CDH12: variants seen among roughly 807,000 people sequenced by gnomAD.
CDH12 encodes cadherin 12.
Under a neutral mutation model 74.1 loss-of-function variants are expected in CDH12, and 41 were observed. That is an observed-to-expected ratio of 0.55 (90% confidence interval 0.43 to 0.72). The LOEUF (loss-of-function observed/expected upper bound fraction) is 0.72, where lower values mean the gene tolerates loss of function less well. Among genes scored for constraint, CDH12 ranks in the 30% least tolerant of loss-of-function variants. The pLI is 0.00. For synonymous variants in CDH12, 399 were observed against 355.0 expected (o/e 1.12, Z -1.39); for missense variants, 945 against 977.2 (o/e 0.97, Z 0.44).
rs1757008156 is a variant in CDH12, at chr5:21,975,172, T to G, written c.445A>C (p.Lys149Gln). The G allele has an allele frequency of 6.3e-7, 1 of 1,596,742 alleles. No individual in the cohort carries two copies. The highest frequency in any genetic ancestry group is 1.7e-5 in the Admixed American group (1 of 59,950). Residue 149 changes from lysine to glutamine, a missense_variant, in exon 6 of 15, where the codon AAA (lysine) becomes CAA (glutamine). Transcript: ENST00000382254. ...TCATTATCATTAATATCCTGCACTT[T>G]GATGATGAATTCTGATTCAGGCTCC... ...PLEPESEFII[K>Q]VQDINDNEPK... is the part of the protein sequence containing the mutation.
chr5:22,434,934 C>G (rs1392227124), intron 2 of CDH12, among the ~76,000 whole-genome samples: 1 of 152,154 alleles, frequency 6.6e-6, no homozygotes, highest in Non-Finnish European at 1.5e-5. Context: ...ACTCAACTTA[C>G]TACATCTTGC....
intron 1 of CDH12, among the ~76,000 whole-genome samples, chr5:22,733,746 G>A (rs746666659): frequency 1.3e-5 from 2 of 151,902 alleles, no homozygotes; most frequent in Admixed American, 6.6e-5. Flanking sequence ...TTAAAGTGAG[G>A]GGGGTTCCTT....
intron 5 of CDH12, among the ~76,000 whole-genome samples, chr5:22,018,327 A>C (rs2150158675): frequency 6.6e-6 from 1 of 152,184 alleles, no homozygotes; most frequent in Non-Finnish European, 1.5e-5. Flanking sequence ...GTATTGTATA[A>C]TTTCAAAACA....
At chr5:22,035,744 A>T (rs1018122276) in intron 5 of CDH12, among the ~76,000 whole-genome samples, 1 of 142,330 alleles carries the variant, frequency 7.0e-6, no homozygotes, top group African/African-American at 2.6e-5. Flanking sequence ...ACACACACAC[A>T]CACACACTCC....
rs186431253 is a variant in CDH12, at chr5:21,840,783, C to A, written c.814+1378G>T. Among the ~76,000 whole-genome samples the A allele has an allele frequency of 3.9e-5, 6 of 152,202 alleles. No individual in the cohort carries two copies. The East Asian group carries it at 1.2e-3, about 29-fold the overall frequency. The stretch of plus-strand genomic sequence containing the variant: ...AGGATTCCCTATTTAATAAATGGTG[C>A]TGGGAAAACTGGCTAGCCATATATA... On this transcript the variant is annotated intron_variant, in intron 8 of 14. Transcript: ENST00000382254.
At chr5:22,098,551 C>T (rs187767797) in intron 4 of CDH12, among the ~76,000 whole-genome samples, 18 of 152,308 alleles carry the variant, frequency 1.2e-4, no homozygotes, top group Non-Finnish European at 1.9e-4. Context: ...TCAACTCACT[C>T]GCTACAGTTC....
In CDH12 at chr5:21,989,131, A is replaced by T. The variant is rs542502881; in HGVS notation, c.232-13746T>A. On this transcript the variant is annotated intron_variant, in intron 5 of 14. Coordinates refer to ENST00000382254, the MANE Select transcript of CDH12 (RefSeq NM_004061.5). ...AAGAAGGCATAATAGAGAGAAAGGA[A>T]GGAAAAAAGAAAAGACAAAAGTGTA... is the stretch of plus-strand genomic sequence containing the variant. 2.0e-5 allele frequency among the ~76,000 whole-genome samples: 3 copies of T among 152,338 alleles called. No homozygotes were observed. In the East Asian group the frequency reaches 5.8e-4, roughly 29 times the overall value.
chr5:22,667,302 G>A (rs941668367), intron 1 of CDH12, among the ~76,000 whole-genome samples: 5 of 152,048 alleles, frequency 3.3e-5, no homozygotes, highest in Non-Finnish European at 5.9e-5. Context: ...TGGTTGTCCC[G>A]TCATTTCCTC....
chr5:22,701,428 ATT>A (rs1405764306), intron 1 of CDH12, among the ~76,000 whole-genome samples: 3 of 151,140 alleles, frequency 2.0e-5, no homozygotes, highest in African/African-American at 7.4e-5. Context: ...AAAAAAAAAG[ATT>A]GTCACTTCTC....
chr5:22,498,834 A>C (rs1471974907), intron 2 of CDH12, among the ~76,000 whole-genome samples: 1 of 150,596 alleles, frequency 6.6e-6, no homozygotes, highest in Non-Finnish European at 1.5e-5. Flanking sequence ...TACTAAAAAT[A>C]ATTTATATAA....
rs141500029 is a variant in CDH12 at position 21,933,982 on chromosome 5, T to A, written c.526+41109A>T. On this transcript the variant is annotated intron_variant, in intron 6 of 14. Coordinates refer to ENST00000382254, the MANE Select transcript of CDH12 (RefSeq NM_004061.5). ...ATGGATTCTGGCCACAGCCATAAGATTTATTTGACAAAAGGATTGCTTGAA... is the reference window on the plus strand; with the variant it reads ...ATGGATTCTGGCCACAGCCATAAGAATTATTTGACAAAAGGATTGCTTGAA... Among the ~76,000 whole-genome samples, 735 of 152,352 alleles carry A rather than the reference T, an allele frequency of 4.8e-3. 13 individuals are homozygous for A. Among genetic ancestry groups the A allele is most frequent in the African/African-American group, 0.017 (691 of 41,588 alleles).
intron 6 of CDH12, among the ~76,000 whole-genome samples, chr5:21,905,681 G>A (rs548469171): frequency 5.3e-5 from 8 of 152,122 alleles, no homozygotes; most frequent in African/African-American, 1.4e-4. Context: ...CACAGATATC[G>A]CAATTGTCTC....
intron 1 of CDH12, among the ~76,000 whole-genome samples, chr5:22,830,084 A>G (rs1736520789): frequency 6.6e-6 from 1 of 152,234 alleles, no homozygotes; most frequent in Non-Finnish European, 1.5e-5. Flanking sequence ...TACTTTTGCT[A>G]TAAAATGAAT....
At chr5:22,113,060 G>T (rs888902397) in intron 4 of CDH12, among the ~76,000 whole-genome samples, 1 of 152,090 alleles carries the variant, frequency 6.6e-6, no homozygotes, top group East Asian at 1.9e-4. Flanking sequence ...CTATCAAAGG[G>T]GCCTGGGGAG....
chr5:22,168,142 C>T (rs1748797514), intron 4 of CDH12, among the ~76,000 whole-genome samples: 1 of 152,106 alleles, frequency 6.6e-6, no homozygotes, highest in Non-Finnish European at 1.5e-5. Flanking sequence ...CCGATATCAT[C>T]TTTGTCCTAG....
In CDH12 at chr5:21,976,842, A is replaced by C. The variant is rs1159315909; in HGVS notation, c.232-1457T>G. Reference sequence around the variant, plus strand: ...TTAACATTTCAACACACACACAAAAACTCTGAAAATATTTTAAATTATATA... The same window carrying C: ...TTAACATTTCAACACACACACAAAACCTCTGAAAATATTTTAAATTATATA... On this transcript the variant is annotated intron_variant, in intron 5 of 14. Transcript: ENST00000382254. Among the ~76,000 whole-genome samples, 5 of 151,932 alleles carry C rather than the reference A, an allele frequency of 3.3e-5. No homozygotes were observed. The East Asian group carries it at 9.6e-4, about 29-fold the overall frequency.
intron 1 of CDH12, among the ~76,000 whole-genome samples, chr5:22,592,470 TA>T (rs201295909): frequency 0.014 from 2,150 of 152,290 alleles, 23 homozygotes; most frequent in Non-Finnish European, 0.022. Context: ...TTAGTTTACT[TA>T]TCTCTTGTGC....
chr5:22,194,526 T>A (rs1000220062), intron 4 of CDH12, among the ~76,000 whole-genome samples: 1 of 151,930 alleles, frequency 6.6e-6, no homozygotes, highest in Non-Finnish European at 1.5e-5. Flanking sequence ...GAGACAGGGT[T>A]TCACCATGTT....
chr5:22,662,426 G>A (rs908253793), intron 1 of CDH12, among the ~76,000 whole-genome samples: 2 of 152,126 alleles, frequency 1.3e-5, no homozygotes, highest in African/African-American at 2.4e-5. Context: ...TGGTTTGGTA[G>A]CAATGGAAGA....
Sources: allele counts gnomAD v4.1 joint callset (sites outside exome capture counted in the v4.1 genomes callset), GRCh38; gene constraint gnomAD v4.1.1; transcripts MANE v1.5; gene names NCBI Gene and HGNC (gene_info 2026-07-23, HGNC 2026-07-21).